AGPAT4: variants seen among roughly 807,000 people sequenced by gnomAD.
AGPAT4 encodes the protein 1-acylglycerol-3-phosphate O-acyltransferase 4.
A neutral mutation model predicts 48.0 loss-of-function variants in AGPAT4; 15 were observed. The ratio of observed to expected loss-of-function variants is 0.31; its 90% CI spans 0.21 to 0.48. The LOEUF is 0.48. AGPAT4 is among the 20% of genes least tolerant of loss of function. The pLI, the probability that AGPAT4 is intolerant of heterozygous loss-of-function variation, is 0.99. For synonymous variants in AGPAT4, 178 were observed against 198.7 expected, an observed-to-expected ratio of 0.90 and a Z score of 0.88; for missense variants, 314 against 482.5, an observed-to-expected ratio of 0.65 and a Z score of 3.27.
chr6:161,253,356 G>A (rs1203863360), intron 1 of AGPAT4, among the ~76,000 whole-genome samples: 2 of 150,028 alleles, frequency 1.3e-5, no homozygotes, highest in Admixed American at 6.6e-5. Flanking sequence ...CCAGGTTCAC[G>A]CCATTCTCCT....
rs1334256013 is a variant in AGPAT4 at position 161,219,307 on chromosome 6, TATTTTATATA to T, written c.178+12719_178+12728del. ...ACAACTTTTATATATGTAAAATTTG[TATTTTATATA>T]ATTTAAAAAATATATAAAATGTCCT... is the stretch of plus-strand genomic sequence containing the variant. On this transcript the variant is annotated intron_variant, in intron 2 of 8. Transcript: ENST00000320285. This position sits in a 1 kb window ranked among gnomAD's most constrained non-coding sequence, Gnocchi z 4.9. Among the ~76,000 whole-genome samples, 1 of 152,046 alleles carries T rather than the reference TATTTTATATA, an allele frequency of 6.6e-6. No individual in the cohort carries two copies. The highest frequency in any genetic ancestry group is 1.5e-5 in the Non-Finnish European group (1 of 68,012).
Position 161,136,562 on chromosome 6 carries a change from C to T in AGPAT4, c.1115G>A (p.Ser372Asn). ...DKGSAYGNSD[S>N]KQKLND Reference sequence around the variant, plus strand: ...GAGTCAGTCATTCAGTTTCTGCTTGCTGTCAGAGTTGCCGTAGGCAGAGCC... The same window carrying T: ...GAGTCAGTCATTCAGTTTCTGCTTGTTGTCAGAGTTGCCGTAGGCAGAGCC... Residue 372 changes from serine to asparagine, a missense_variant, in exon 9 of 9, where the codon AGC (serine) becomes AAC (asparagine). Coordinates refer to ENST00000320285, the MANE Select transcript of AGPAT4 (RefSeq NM_020133.3). 1 of 1,614,172 alleles carries T rather than the reference C, an allele frequency of 6.2e-7. No individual in the cohort carries two copies. The highest frequency in any genetic ancestry group is 1.1e-5 in the South Asian group (1 of 91,080).
In AGPAT4 at chr6:161,214,696, G is replaced by A. The variant is rs1012501510; in HGVS notation, c.178+17340C>T. 6.6e-6 allele frequency among the ~76,000 whole-genome samples: 1 copy of A among 152,200 alleles called. No individual in the cohort carries two copies. Among genetic ancestry groups the A allele is most frequent in the Non-Finnish European group, 1.5e-5 (1 of 68,040 alleles). The stretch of plus-strand genomic sequence containing the variant: ...AGGCAGGAGAATCACTTGAACCCAG[G>A]AGGCAAAGGTTGCAGTGAGCCGAGA... On this transcript the variant is annotated intron_variant, in intron 2 of 8. Coordinates refer to ENST00000320285, the MANE Select transcript of AGPAT4 (RefSeq NM_020133.3). The surrounding 1 kb of genome is among the most constrained non-coding windows in gnomAD (Gnocchi z 5.4).
chr6:161,218,106 A>G lies in AGPAT4; in HGVS notation c.178+13930T>C, dbSNP rs1454228146. Among the ~76,000 whole-genome samples the G allele has an allele frequency of 2.0e-5, 3 of 152,164 alleles. No homozygotes were observed. Among genetic ancestry groups the G allele is most frequent in the Non-Finnish European group, 4.4e-5 (3 of 68,016 alleles). Reference sequence around the variant, plus strand: ...GGTGCCTTGTTCTTCTGGCAAGAGAACCACATGCCCTGGGGTGGACATACA... The same window carrying G: ...GGTGCCTTGTTCTTCTGGCAAGAGAGCCACATGCCCTGGGGTGGACATACA... On this transcript the variant is annotated intron_variant, in intron 2 of 8. Transcript: ENST00000320285. The surrounding 1 kb of genome is among the most constrained non-coding windows in gnomAD (Gnocchi z 4.7).
rs903712422 is a variant in AGPAT4, at chr6:161,267,149, A to G, written c.-90+6789T>C. On this transcript the variant is annotated intron_variant, in intron 1 of 8. Coordinates refer to ENST00000320285, the MANE Select transcript of AGPAT4 (RefSeq NM_020133.3). The surrounding 1 kb of genome is among the most constrained non-coding windows in gnomAD (Gnocchi z 5.2). ...TGGGTTACACATTGGTTTTGAGAAGAGTTCATCTTTAATTTAATGTATGTA... is the reference window on the plus strand; with the variant it reads ...TGGGTTACACATTGGTTTTGAGAAGGGTTCATCTTTAATTTAATGTATGTA... Among the ~76,000 whole-genome samples, 2 of 152,268 alleles carry G rather than the reference A, an allele frequency of 1.3e-5. No individual in the cohort carries two copies. The highest frequency in any genetic ancestry group is 3.9e-4 in the East Asian group (2 of 5,178).
At position 161,232,631 on chromosome 6, in the gene AGPAT4, C is replaced by A. The variant is rs923842014; in HGVS notation, c.-89-329G>T. 5.9e-5 allele frequency among the ~76,000 whole-genome samples: 9 copies of A among 152,184 alleles called. No homozygotes were observed. The highest frequency in any genetic ancestry group is 2.2e-4 in the African/African-American group (9 of 41,444). On this transcript the variant is annotated intron_variant, in intron 1 of 8. Transcript: ENST00000320285. This position sits in a 1 kb window ranked among gnomAD's most constrained non-coding sequence, Gnocchi z 6.8. The stretch of plus-strand genomic sequence containing the variant: ...GGCAGCAGCTGAGCCAGCCACGGAG[C>A]CCTGGGTCCCACTTGAGTGACGGCT...
chr6:161,160,430 G>A (rs889534476), intron 3 of AGPAT4: 1 of 155,670 alleles, frequency 6.4e-6, no homozygotes, highest in Non-Finnish European at 1.4e-5. Flanking sequence ...CAGGGGAAAT[G>A]CATAAAGCAA....
rs1251595110 is a variant in AGPAT4 at position 161,236,850 on chromosome 6, C to T, written c.-89-4548G>A. 1.3e-5 allele frequency among the ~76,000 whole-genome samples: 2 copies of T among 151,986 alleles called. No individual in the cohort carries two copies. Among genetic ancestry groups the T allele is most frequent in the African/African-American group, 4.8e-5 (2 of 41,364 alleles). On this transcript the variant is annotated intron_variant, in intron 1 of 8. Coordinates refer to ENST00000320285, the MANE Select transcript of AGPAT4 (RefSeq NM_020133.3). The surrounding 1 kb of genome is among the most constrained non-coding windows in gnomAD (Gnocchi z 5.0). ...CTGGGAGGCAGAGGTTGCAGTGAGC[C>T]GAGATTGTGCCACTGCACTCCAGCC...
chr6:161,199,309 A>T (rs1432842809), intron 2 of AGPAT4, among the ~76,000 whole-genome samples: 1 of 152,198 alleles, frequency 6.6e-6, no homozygotes. Flanking sequence ...AGCTCAGGCT[A>T]ATGAGACCAA....
intron 2 of AGPAT4, among the ~76,000 whole-genome samples, chr6:161,199,776 C>T (rs184725852): frequency 2.0e-5 from 3 of 152,328 alleles, no homozygotes; most frequent in African/African-American, 7.2e-5. Context: ...GTGTCTGCTT[C>T]CCCTACGTCT....
intron 1 of AGPAT4, among the ~76,000 whole-genome samples, chr6:161,248,002 A>G (rs1029479661): frequency 1.3e-5 from 2 of 150,592 alleles, no homozygotes; most frequent in African/African-American, 4.9e-5. Flanking sequence ...AAAAAAAAAA[A>G]AAAAAGTCCT....
Position 161,130,999 on chromosome 6 carries a change from A to AAT in AGPAT4, c.*5539_*5540dup, listed in dbSNP as rs1184141517. The AAT allele has an allele frequency of 2.8e-5, 13 of 470,130 alleles. No individual in the cohort carries two copies. Among genetic ancestry groups the AAT allele is most frequent in the African/African-American group, 2.2e-4 (11 of 51,152 alleles). 29.1% of individuals were successfully genotyped at this position (470,130 alleles called of 1,614,324 possible). On this transcript the variant is annotated 3_prime_UTR_variant, in exon 9 of 9. Coordinates refer to ENST00000320285, the MANE Select transcript of AGPAT4 (RefSeq NM_020133.3). Reference sequence around the variant, plus strand: ...AGAAAAGGAAAAGTGACATTTGTGTAATTTATTTTGGAAATGCAAAGGAAT... The same window carrying AAT: ...AGAAAAGGAAAAGTGACATTTGTGTAATATTTATTTTGGAAATGCAAAGGAAT...
chr6:161,136,399 G>C lies in AGPAT4; in HGVS notation c.*141C>G, dbSNP rs773415739. 1.0e-4 allele frequency: 70 copies of C among 675,906 alleles called. No homozygotes were observed. Among genetic ancestry groups the C allele is most frequent in the Middle Eastern group, 5.8e-4 (2 of 3,430 alleles). The allele number at this position is 675,906 out of a possible 1,614,324, so 41.9% of individuals were successfully genotyped here. A position where few individuals can be genotyped will look rare whatever the true frequency, so the allele number is the denominator to read the frequency against. Reference sequence around the variant, plus strand: ...TCCTCCCCATCCGGCCTTGAGACCAGACTCCCTGGCTGGAGAGGTCGTGAC... The same window carrying C: ...TCCTCCCCATCCGGCCTTGAGACCACACTCCCTGGCTGGAGAGGTCGTGAC... On this transcript the variant is annotated 3_prime_UTR_variant, in exon 9 of 9. Transcript: ENST00000320285.
chr6:161,240,273 C>T lies in AGPAT4; in HGVS notation c.-89-7971G>A, dbSNP rs1426293642. On this transcript the variant is annotated intron_variant, in intron 1 of 8. Transcript: ENST00000320285. This position sits in a 1 kb window ranked among gnomAD's most constrained non-coding sequence, Gnocchi z 5.5. ...ACACACACACACACACACACTTAAA[C>T]AAGTCTGTCCACCTGGAAGCCTGGG... Among the ~76,000 whole-genome samples the T allele has an allele frequency of 6.7e-6, 1 of 149,216 alleles. No individual in the cohort carries two copies. The highest frequency in any genetic ancestry group is 1.5e-5 in the Non-Finnish European group (1 of 67,394).
In AGPAT4 at chr6:161,189,253, G is replaced by C. The variant is rs865937549; in HGVS notation, c.179-22836C>G. ...GGAATTAGGAGGCTTTCCCATCTGC[G>C]GACTGTCCTGCCTCCTCCCCATCTG... On this transcript the variant is annotated intron_variant, in intron 2 of 8. Transcript: ENST00000320285. This position sits in a 1 kb window ranked among gnomAD's most constrained non-coding sequence, Gnocchi z 5.3. Among the ~76,000 whole-genome samples the C allele has an allele frequency of 2.0e-5, 3 of 152,198 alleles. No homozygotes were observed. The East Asian group carries it at 5.8e-4, about 30-fold the overall frequency.
intron 2 of AGPAT4, among the ~76,000 whole-genome samples, chr6:161,181,240 T>G (rs1288332737): frequency 6.6e-6 from 1 of 152,180 alleles, no homozygotes; most frequent in Non-Finnish European, 1.5e-5. Flanking sequence ...GCGTCTCTTG[T>G]GTCCTGGTAC....
rs543132140 is a variant in AGPAT4 at position 161,215,506 on chromosome 6, G to A, written c.178+16530C>T. On this transcript the variant is annotated intron_variant, in intron 2 of 8. Transcript: ENST00000320285. This position sits in a 1 kb window ranked among gnomAD's most constrained non-coding sequence, Gnocchi z 4.5. ...TTCAGATATCCTGGTCCTTCAGCATGAGTGTGGTTCTCAGGTCTGTCTCTC... is the reference window on the plus strand; with the variant it reads ...TTCAGATATCCTGGTCCTTCAGCATAAGTGTGGTTCTCAGGTCTGTCTCTC... Among the ~76,000 whole-genome samples, 3 of 152,252 alleles carry A rather than the reference G, an allele frequency of 2.0e-5. No individual in the cohort carries two copies. Among genetic ancestry groups the A allele is most frequent in the African/African-American group, 7.2e-5 (3 of 41,556 alleles).
Position 161,133,513 on chromosome 6 carries a change from C to T in AGPAT4, c.*3027G>A, listed in dbSNP as rs1333750503. 6.6e-6 allele frequency: 1 copy of T among 152,200 alleles called. No homozygotes were observed. The highest frequency in any genetic ancestry group is 6.5e-5 in the Admixed American group (1 of 15,282). The allele number at this position is 152,200 out of a possible 1,614,324, so 9.4% of individuals were successfully genotyped here. A position where few individuals can be genotyped will look rare whatever the true frequency, so the allele number is the denominator to read the frequency against. On this transcript the variant is annotated 3_prime_UTR_variant, in exon 9 of 9. Transcript: ENST00000320285. ...GCCTTACTTCTTCCTCCCGATTAAT[C>T]GTGTTCACTATATGGTGGCAGAATC...
At chr6:161,173,934 T>C (rs1408322930) in intron 2 of AGPAT4, among the ~76,000 whole-genome samples, 3 of 152,214 alleles carry the variant, frequency 2.0e-5, no homozygotes, top group Non-Finnish European at 2.9e-5. Flanking sequence ...TTTGTCAGGT[T>C]TGTCAAAGAT....
Sources: allele counts gnomAD v4.1 joint callset (sites outside exome capture counted in the v4.1 genomes callset), GRCh38; gene constraint gnomAD v4.1.1; non-coding constraint Gnocchi (gnomAD v3.1); transcripts MANE v1.5; gene names NCBI Gene and HGNC (gene_info 2026-07-23, HGNC 2026-07-21).